ITGAV: variants seen among roughly 807,000 people sequenced by gnomAD.
ITGAV encodes the protein integrin alpha-V.
In ITGAV, 76 loss-of-function variants were observed where a neutral mutation model predicts 143.8. The observed-to-expected ratio is 0.53, with a 90% CI of 0.44 to 0.64. ITGAV has a LOEUF of 0.64. ITGAV is among the 30% of genes least tolerant of loss of function. The pLI is 0.00. For missense variants in ITGAV, 1,193 were observed against 1,274.7 expected (o/e 0.94, Z 0.98); for synonymous variants, 453 against 446.7 (o/e 1.01, Z -0.18).
chr2:186,613,528 A>G lies in ITGAV; in HGVS notation c.317-8811A>G, dbSNP rs151209287. 4.8e-3 allele frequency among the ~76,000 whole-genome samples: 736 copies of G among 152,264 alleles called. 8 individuals are homozygous for G. Among genetic ancestry groups the G allele is most frequent in the African/African-American group, 0.017 (698 of 41,572 alleles). On this transcript the variant is annotated intron_variant, in intron 2 of 29. Transcript: ENST00000261023. The stretch of plus-strand genomic sequence containing the variant: ...TTTCTGGATAGTTCTATATAAATTA[A>G]TAACACTTTTGCATGTCCATGGATT...
intron 12 of ITGAV, among the ~76,000 whole-genome samples, chr2:186,646,006 G>T (rs1298409334): frequency 1.3e-5 from 2 of 151,876 alleles, no homozygotes; most frequent in African/African-American, 2.4e-5. Flanking sequence ...AGAAAAAAAG[G>T]CTGTTTAAGT....
chr2:186,608,294 G>A (rs931999467), intron 2 of ITGAV, among the ~76,000 whole-genome samples: 6 of 152,198 alleles, frequency 3.9e-5, no homozygotes, highest in South Asian at 2.1e-4. Context: ...TTAGGAAGCC[G>A]CAGATGATGT....
At chr2:186,636,889 T>C (rs1687959071) in intron 7 of ITGAV, among the ~76,000 whole-genome samples, 176 bp from the exon 8 acceptor site, 1 of 152,196 alleles carries the variant, frequency 6.6e-6, no homozygotes, top group Non-Finnish European at 1.5e-5. Flanking sequence ...AGTATTTAAC[T>C]CAGTTTCATT....
chr2:186,639,702 A>C (rs193251613), intron 10 of ITGAV, among the ~76,000 whole-genome samples: 1 of 152,184 alleles, frequency 6.6e-6, no homozygotes, highest in Non-Finnish European at 1.5e-5. Flanking sequence ...TTTGCTGCTG[A>C]AAATCTGTTT....
At chr2:186,605,742 A>G (rs79531478) in intron 2 of ITGAV, among the ~76,000 whole-genome samples, 18 of 726 alleles carry the variant, frequency 0.025, 1 homozygote, top group African/African-American at 0.21. Flanking sequence ...GTAGATGTGT[A>G]TATATATATA....
intron 1 of ITGAV, 55 bp downstream of exon 1, chr2:186,590,578 A>G: frequency 6.7e-7 from 1 of 1,501,042 alleles, no homozygotes. Flanking sequence ...GCGCGCACCC[A>G]CCCAGCGTTT....
chr2:186,638,564 C>T, intron 10 of ITGAV, 99 bp downstream of exon 10: 2 of 824,452 alleles, frequency 2.4e-6, no homozygotes, highest in African/African-American at 1.7e-5. Context: ...GAACTATAAT[C>T]TCATCAAATA....
chr2:186,654,786 A>C lies in ITGAV; in HGVS notation c.1564+78A>C, dbSNP rs568766017. 1.4e-5 allele frequency: 9 copies of C among 648,698 alleles called. No individual in the cohort carries two copies. In the Admixed American group the frequency reaches 2.4e-4, roughly 18 times the overall value. The allele number at this position is 648,698 out of a possible 1,614,324, so 40.2% of individuals were successfully genotyped here. A position where few individuals can be genotyped will look rare whatever the true frequency, so the allele number is the denominator to read the frequency against. ...CTTAAAAAATATTTTAAGATATTCAAATAGTTACTTGAATTGTTATTATAA... is the reference window on the plus strand; with the variant it reads ...CTTAAAAAATATTTTAAGATATTCACATAGTTACTTGAATTGTTATTATAA... On this transcript the variant is annotated intron_variant, in intron 16 of 29. Coordinates refer to ENST00000261023, the MANE Select transcript of ITGAV (RefSeq NM_002210.5).
intron 13 of ITGAV, among the ~76,000 whole-genome samples, chr2:186,648,902 A>T (rs1688338299): frequency 6.7e-6 from 1 of 149,864 alleles, no homozygotes; most frequent in South Asian, 2.1e-4. Flanking sequence ...AAAAATAATC[A>T]TTTTCATTTG....
In ITGAV at chr2:186,658,724, T is replaced by G. The variant is rs1574495759; in HGVS notation, c.1720-314T>G. On this transcript the variant is annotated intron_variant, in intron 17 of 29. Transcript: ENST00000261023. ...GGAGGAAGAGAAAGAAGTATTTGGGTAGCTTAAGCAGTATCAATAATGTTC... is the reference window on the plus strand; with the variant it reads ...GGAGGAAGAGAAAGAAGTATTTGGGGAGCTTAAGCAGTATCAATAATGTTC... Among the ~76,000 whole-genome samples the G allele has an allele frequency of 2.6e-5, 4 of 152,122 alleles. 1 individual carries two copies. The Middle Eastern group carries it at 0.014, about 517-fold the overall frequency.
chr2:186,623,040 C>T (rs564996056), intron 3 of ITGAV, among the ~76,000 whole-genome samples: 2 of 152,104 alleles, frequency 1.3e-5, no homozygotes, highest in East Asian at 1.9e-4. Context: ...TTTGAAAATA[C>T]GACACGATGT....
Position 186,590,095 on chromosome 2 carries a change from G to A in ITGAV, c.-244G>A. On this transcript the variant is annotated 5_prime_UTR_variant, in exon 1 of 30. Coordinates refer to ENST00000261023, the MANE Select transcript of ITGAV (RefSeq NM_002210.5). ...GACGCTGCGTGGAGCGGCGGAGCCG[G>A]AGGGAAGCAAAGGACCGTCTGCGCT... 2.5e-6 allele frequency: 1 copy of A among 398,496 alleles called. No individual in the cohort carries two copies. Among genetic ancestry groups the A allele is most frequent in the East Asian group, 4.0e-5 (1 of 24,760 alleles). 24.7% of individuals were successfully genotyped at this position (398,496 alleles called of 1,614,324 possible).
intron 2 of ITGAV, among the ~76,000 whole-genome samples, chr2:186,611,179 A>T (rs1687206710): frequency 6.6e-6 from 1 of 151,814 alleles, no homozygotes; most frequent in Non-Finnish European, 1.5e-5. Context: ...CTGCCCCCCG[A>T]CCCTTGTGAT....
chr2:186,616,453 C>T (rs901893716), intron 2 of ITGAV, among the ~76,000 whole-genome samples: 1 of 151,172 alleles, frequency 6.6e-6, no homozygotes, highest in Non-Finnish European at 1.5e-5. Flanking sequence ...TAATTTTTTG[C>T]ATTTTTAGTA....
Position 186,678,144 on chromosome 2 carries a change from A to G in ITGAV, c.*852A>G, listed in dbSNP as rs1356431632. 6.6e-6 allele frequency: 1 copy of G among 152,112 alleles called. No individual in the cohort carries two copies. The highest frequency in any genetic ancestry group is 1.5e-5 in the Non-Finnish European group (1 of 67,972). The allele number at this position is 152,112 out of a possible 1,614,324, so 9.4% of individuals were successfully genotyped here. ...TTCCATTGTTTTAGTCTGGCTATTTACAGTATAAAAAAAGCATTTTTATTA... is the reference window on the plus strand; with the variant it reads ...TTCCATTGTTTTAGTCTGGCTATTTGCAGTATAAAAAAAGCATTTTTATTA... On this transcript the variant is annotated 3_prime_UTR_variant, in exon 30 of 30. Coordinates refer to ENST00000261023, the MANE Select transcript of ITGAV (RefSeq NM_002210.5).
rs202063034 is a variant in ITGAV at position 186,679,436 on chromosome 2, A to G, written c.*2144A>G. ...TCCTTCAAAAAATGAACATTTATAT[A>G]TCTACAAAAATATGGAGAAGAGTAA... On this transcript the variant is annotated 3_prime_UTR_variant, in exon 30 of 30. Coordinates refer to ENST00000261023, the MANE Select transcript of ITGAV (RefSeq NM_002210.5). The G allele has an allele frequency of 1.3e-5, 2 of 151,982 alleles. No individual in the cohort carries two copies. The highest frequency in any genetic ancestry group is 2.9e-5 in the Non-Finnish European group (2 of 67,848). The allele number at this position is 151,982 out of a possible 1,614,324, so 9.4% of individuals were successfully genotyped here.
At chr2:186,657,118 G>A (rs962559706) in intron 17 of ITGAV, among the ~76,000 whole-genome samples, 1 of 152,010 alleles carries the variant, frequency 6.6e-6, no homozygotes, top group Admixed American at 6.6e-5. Context: ...AAAGGGCCTG[G>A]GCACAGTGGC....
At position 186,641,834 on chromosome 2, in the gene ITGAV, T is replaced by A. The variant is rs573604769; in HGVS notation, c.1159+246T>A. 5.2e-5 allele frequency: 26 copies of A among 501,442 alleles called. No homozygotes were observed. The East Asian group carries it at 8.7e-4, about 17-fold the overall frequency. 31.1% of individuals were successfully genotyped at this position (501,442 alleles called of 1,614,324 possible). A position where few individuals can be genotyped will look rare whatever the true frequency, so the allele number is the denominator to read the frequency against. On this transcript the variant is annotated intron_variant, in intron 12 of 29. Transcript: ENST00000261023. ...TTGGCCTCAAATTAGAAGGTCAGAATGATTACTTTCTGAAAGGAACCTTCA... is the reference window on the plus strand; with the variant it reads ...TTGGCCTCAAATTAGAAGGTCAGAAAGATTACTTTCTGAAAGGAACCTTCA...
rs1688914643 is a variant in ITGAV, at chr2:186,666,930, G to A, written c.2246+147G>A. 3 of 572,248 alleles carry A rather than the reference G, an allele frequency of 5.2e-6. No homozygotes were observed. The Admixed American group carries it at 1.1e-4, about 21-fold the overall frequency. The allele number at this position is 572,248 out of a possible 1,614,324, so 35.4% of individuals were successfully genotyped here. On this transcript the variant is annotated intron_variant, in intron 22 of 29. Transcript: ENST00000261023. ...TTTAAAATCAATATTTACATTATAAGAATAATTTTATTGTCAGATTTGAGT... is the reference window on the plus strand; with the variant it reads ...TTTAAAATCAATATTTACATTATAAAAATAATTTTATTGTCAGATTTGAGT...
Sources: allele counts gnomAD v4.1 joint callset (sites outside exome capture counted in the v4.1 genomes callset), GRCh38; gene constraint gnomAD v4.1.1; transcripts MANE v1.5; gene names NCBI Gene and HGNC (gene_info 2026-07-23, HGNC 2026-07-21).